Variants in TRDN observed in about 807,000 individuals in gnomAD.
The protein encoded by TRDN is triadin in skeletal muscle.
In TRDN, 161 loss-of-function variants were observed where a neutral mutation model predicts 149.7. The observed-to-expected ratio is 1.08, with a 90% CI of 0.95 to 1.23. The LOEUF is 1.23. TRDN is among the 50% of genes most tolerant of loss of function. The pLI, the probability that TRDN is intolerant of heterozygous loss-of-function variation, is 0.00. For missense variants in TRDN, 896 were observed against 823.5 expected (o/e 1.09, Z -1.08); for synonymous variants, 294 against 250.5 (o/e 1.17, Z -1.64).
chr6:123,631,723 TTTA>T (rs1786017635), intron 1 of TRDN, among the ~76,000 whole-genome samples: 1 of 152,030 alleles, frequency 6.6e-6, no homozygotes, highest in Non-Finnish European at 1.5e-5. Context: ...TTCTTAACTC[TTTA>T]TTGTGAAGAA....
intron 14 of TRDN, among the ~76,000 whole-genome samples, chr6:123,383,028 A>T (rs986685966): frequency 1.3e-5 from 2 of 152,228 alleles, no homozygotes; most frequent in African/African-American, 2.4e-5. Flanking sequence ...ATGAATTGAT[A>T]CCTGCAAAAG....
At chr6:123,435,877 G>A (rs1474357732) in intron 12 of TRDN, among the ~76,000 whole-genome samples, 1 of 151,836 alleles carries the variant, frequency 6.6e-6, no homozygotes, top group Non-Finnish European at 1.5e-5. Flanking sequence ...ATGACTGCTG[G>A]GCTAATAACA....
chr6:123,496,487 G>T (rs1331879618), intron 9 of TRDN, among the ~76,000 whole-genome samples: 4 of 151,870 alleles, frequency 2.6e-5, no homozygotes, highest in African/African-American at 9.7e-5. Flanking sequence ...TGTCTTCTTG[G>T]AAAAGTTTTC....
chr6:123,424,908 C>T (rs190911406), intron 12 of TRDN, among the ~76,000 whole-genome samples: 1 of 152,192 alleles, frequency 6.6e-6, no homozygotes, highest in East Asian at 1.9e-4. Flanking sequence ...GGTTTCCCAA[C>T]TTGTGCATGA....
chr6:123,355,362 T>C (rs1404870113), intron 20 of TRDN, among the ~76,000 whole-genome samples: 4 of 151,848 alleles, frequency 2.6e-5, no homozygotes, highest in Admixed American at 2.6e-4. Context: ...GGTTATAAGA[T>C]ATTCTAAATT....
At chr6:123,441,337 T>C (rs1453504834) in intron 10 of TRDN, among the ~76,000 whole-genome samples, 1 of 152,214 alleles carries the variant, frequency 6.6e-6, no homozygotes, top group African/African-American at 2.4e-5. Flanking sequence ...AAAAATTTCC[T>C]CTTCCATCTC....
chr6:123,222,788 C>G (rs1775198197), intron 39 of TRDN, among the ~76,000 whole-genome samples: 2 of 151,562 alleles, frequency 1.3e-5, no homozygotes, highest in African/African-American at 4.8e-5. Context: ...AGCACTTAAA[C>G]AAATTTACAA....
intron 2 of TRDN, among the ~76,000 whole-genome samples, chr6:123,557,997 C>T (rs1456802144): frequency 6.6e-6 from 1 of 152,082 alleles, no homozygotes; most frequent in Admixed American, 6.5e-5. Context: ...GACCCCAATA[C>T]AAACTGGACA....
chr6:123,412,885 G>A (rs1436279446), intron 12 of TRDN, among the ~76,000 whole-genome samples: 1 of 151,938 alleles, frequency 6.6e-6, no homozygotes, highest in Non-Finnish European at 1.5e-5. Context: ...AATTATGTTC[G>A]GTTCATTAGT....
At chr6:123,388,442 G>T in intron 14 of TRDN, 80 bp downstream of exon 14, 2 of 1,460,610 alleles carry the variant, frequency 1.4e-6, no homozygotes, top group Non-Finnish European at 1.9e-6. Context: ...AATATAGACA[G>T]AATAGCAGTC....
chr6:123,279,238 T>C (rs931421004), intron 24 of TRDN, among the ~76,000 whole-genome samples, 156 bp from the exon 25 acceptor site: 3 of 152,184 alleles, frequency 2.0e-5, no homozygotes, highest in Non-Finnish European at 4.4e-5. Context: ...GTGTAACTTA[T>C]GGCTAAGTTC....
At chr6:123,479,733 C>T (rs1408543256) in intron 9 of TRDN, among the ~76,000 whole-genome samples, 1 of 152,080 alleles carries the variant, frequency 6.6e-6, no homozygotes, top group Non-Finnish European at 1.5e-5. Flanking sequence ...ATGAACAAAA[C>T]ATAAGATACA....
intron 3 of TRDN, among the ~76,000 whole-genome samples, chr6:123,547,857 G>C (rs1781195109): frequency 6.6e-6 from 1 of 151,916 alleles, no homozygotes; most frequent in South Asian, 2.1e-4. Context: ...CTTTTATGTG[G>C]TTTGAGATGG....
At chr6:123,530,454 T>C in intron 5 of TRDN, 52 bp downstream of exon 5, 1 of 1,088,642 alleles carries the variant, frequency 9.2e-7, no homozygotes, top group South Asian at 2.0e-5. Context: ...CGCATATGAA[T>C]ACACAAAAAT....
chr6:123,554,211 C>G (rs1200654203), intron 2 of TRDN, among the ~76,000 whole-genome samples: 1 of 152,032 alleles, frequency 6.6e-6, no homozygotes, highest in Non-Finnish European at 1.5e-5. Context: ...ATGAATGCTA[C>G]CCAAACCAGG....
At chr6:123,389,901 T>G (rs1008129299) in intron 13 of TRDN, among the ~76,000 whole-genome samples, 5 of 152,190 alleles carry the variant, frequency 3.3e-5, no homozygotes, top group Non-Finnish European at 7.3e-5. Flanking sequence ...CATGGCCTGA[T>G]GAATTTCAAA....
rs35704630 is a variant in TRDN at position 123,308,800 on chromosome 6, T to C, written c.1510+7657A>G. On this transcript the variant is annotated intron_variant, in intron 24 of 40. Coordinates refer to ENST00000334268, the MANE Select transcript of TRDN (RefSeq NM_006073.4). ...GATTACAAAAGCCATTATAACACAG[T>C]ACAGAGAGAATGATAGTCTGTTTAA... is the stretch of plus-strand genomic sequence containing the variant. Among the ~76,000 whole-genome samples, 45 of 152,110 alleles carry C rather than the reference T, an allele frequency of 3.0e-4. No individual in the cohort carries two copies. In the East Asian group the frequency reaches 7.6e-3, roughly 26 times the overall value.
intron 24 of TRDN, among the ~76,000 whole-genome samples, chr6:123,303,207 C>T (rs943377858): frequency 6.6e-6 from 1 of 152,038 alleles, no homozygotes; most frequent in African/African-American, 2.4e-5. Context: ...TCTTCATTGG[C>T]CTTTTACACA....
chr6:123,295,921 C>T (rs578229103), intron 24 of TRDN, among the ~76,000 whole-genome samples: 40 of 151,638 alleles, frequency 2.6e-4, no homozygotes, highest in Middle Eastern at 6.9e-3. Context: ...AATGAGATGG[C>T]GCCACTGCAT....
Sources: allele counts gnomAD v4.1 joint callset (sites outside exome capture counted in the v4.1 genomes callset), GRCh38; gene constraint gnomAD v4.1.1; transcripts MANE v1.5; gene names NCBI Gene and HGNC (gene_info 2026-07-23, HGNC 2026-07-21).